NRSN1: variants seen among roughly 807,000 people sequenced by gnomAD.
NRSN1 encodes the protein neurensin-1.
A neutral mutation model predicts 17.3 loss-of-function variants in NRSN1; 14 were observed. The observed-to-expected ratio is 0.81, with a 90% CI of 0.54 to 1.27. NRSN1 has a LOEUF of 1.27. NRSN1 is among the 50% of genes most tolerant of loss of function. The pLI, the probability that NRSN1 is intolerant of heterozygous loss-of-function variation, is 0.00. For synonymous variants in NRSN1, 79 were observed against 94.2 expected, an observed-to-expected ratio of 0.84 and a Z score of 0.93; for missense variants, 209 against 235.9, an observed-to-expected ratio of 0.89 and a Z score of 0.75.
rs1473520802 is a variant in NRSN1 at position 24,146,474 on chromosome 6, T to A, written c.*528T>A. On this transcript the variant is annotated 3_prime_UTR_variant, in exon 4 of 4. Coordinates refer to ENST00000378491, the MANE Select transcript of NRSN1 (RefSeq NM_080723.5). ...TTGACATGAGGTTCCTGACATTGGA[T>A]ACAAAGTTATCAGCATTCACAAATC... 2.9e-6 allele frequency: 1 copy of A among 348,302 alleles called. No individual in the cohort carries two copies. The highest frequency in any genetic ancestry group is 5.7e-6 in the Non-Finnish European group (1 of 176,382). The allele number at this position is 348,302 out of a possible 1,614,324, so 21.6% of individuals were successfully genotyped here. A position where few individuals can be genotyped will look rare whatever the true frequency, so the allele number is the denominator to read the frequency against.
At chr6:24,136,104 T>C (rs1024681417) in intron 3 of NRSN1, among the ~76,000 whole-genome samples, 3 of 152,176 alleles carry the variant, frequency 2.0e-5, no homozygotes, top group African/African-American at 7.2e-5. Flanking sequence ...CCTGGGCAAA[T>C]TAATTGGCCT....
rs71002461 is a variant in NRSN1, at chr6:24,134,004, TTGTGTGTGTGTG to T, written c.-9-289_-9-278del. Among the ~76,000 whole-genome samples, 5 of 132,948 alleles carry T rather than the reference TTGTGTGTGTGTG, an allele frequency of 3.8e-5. No homozygotes were observed. The South Asian group carries it at 8.3e-4, about 22-fold the overall frequency. 87.2% of individuals were successfully genotyped at this position (132,948 alleles called of 152,430 possible). ...GGTGCCCACCACCACACCCAGCTAA[TTGTGTGTGTGTG>T]TGTGTGTGTGTGTGTGTGTGTGTGT... On this transcript the variant is annotated intron_variant, in intron 2 of 3. Transcript: ENST00000378491.
rs1245016541 is a variant in NRSN1, at chr6:24,145,154, T to G, written c.190-394T>G. Among the ~76,000 whole-genome samples, 2 of 144,894 alleles carry G rather than the reference T, an allele frequency of 1.4e-5. No homozygotes were observed. The highest frequency in any genetic ancestry group is 3.0e-5 in the Non-Finnish European group (2 of 66,422). Reference sequence around the variant, plus strand: ...CTTTAGACATATAATATATAATATATATATCTTTGGACATATATATTATAT... The same window carrying G: ...CTTTAGACATATAATATATAATATAGATATCTTTGGACATATATATTATAT... On this transcript the variant is annotated intron_variant, in intron 3 of 3. Transcript: ENST00000378491. The surrounding 1 kb of genome is among the most constrained non-coding windows in gnomAD (Gnocchi z 4.4).
rs540149368 is a variant in NRSN1, at chr6:24,129,434, G to A, written c.-10+1234G>A. 2.6e-5 allele frequency: 4 copies of A among 152,294 alleles called. No individual in the cohort carries two copies. In the East Asian group the frequency reaches 7.7e-4, roughly 29 times the overall value. The allele number at this position is 152,294 out of a possible 1,614,324, so 9.4% of individuals were successfully genotyped here. On this transcript the variant is annotated intron_variant, in intron 2 of 3. Coordinates refer to ENST00000378491, the MANE Select transcript of NRSN1 (RefSeq NM_080723.5). The stretch of plus-strand genomic sequence containing the variant: ...AAGTTTCAAAGTACTGGAGATTAAA[G>A]TGGTCAACAGTACAGAAAATGTCCC...
intron 3 of NRSN1, among the ~76,000 whole-genome samples, chr6:24,138,577 A>G (rs866034995): frequency 6.6e-6 from 1 of 152,130 alleles, no homozygotes; most frequent in African/African-American, 2.4e-5. Flanking sequence ...AGAGGTTAAT[A>G]TGTCATGGAG....
At chr6:24,135,690 T>C (rs1399340661) in intron 3 of NRSN1, among the ~76,000 whole-genome samples, 3 of 152,188 alleles carry the variant, frequency 2.0e-5, no homozygotes, top group Non-Finnish European at 4.4e-5. Flanking sequence ...GGAGTAGTGA[T>C]CTCTAGTGAC....
At chr6:24,139,042 T>C (rs1760158817) in intron 3 of NRSN1, among the ~76,000 whole-genome samples, 1 of 152,202 alleles carries the variant, frequency 6.6e-6, no homozygotes, top group African/African-American at 2.4e-5. Context: ...ATAGTCACCA[T>C]GTTGTACAAT....
At chr6:24,131,107 G>A (rs9356928) in intron 2 of NRSN1, among the ~76,000 whole-genome samples, 86,621 of 152,074 alleles carry the variant, frequency 0.57, 26,425 homozygotes, top group East Asian at 0.84. Flanking sequence ...GAATGTAGCT[G>A]ACATAGCTAA....
intron 3 of NRSN1, chr6:24,140,983 C>A: frequency 7.0e-7 from 1 of 1,438,094 alleles, no homozygotes; most frequent in Non-Finnish European, 9.1e-7. Flanking sequence ...AGTTACAGCA[C>A]AAAAACTGTC....
chr6:24,130,285 T>C (rs1373018400), intron 2 of NRSN1, among the ~76,000 whole-genome samples: 1 of 152,216 alleles, frequency 6.6e-6, no homozygotes, highest in Non-Finnish European at 1.5e-5. Flanking sequence ...TCAATTCTAG[T>C]TTGTTATATA....
intron 2 of NRSN1, among the ~76,000 whole-genome samples, chr6:24,132,342 T>C (rs1422821031): frequency 6.6e-6 from 1 of 152,260 alleles, no homozygotes; most frequent in African/African-American, 2.4e-5. Context: ...TTGATGGGAC[T>C]GTAGATCGAT....
chr6:24,138,962 T>C (rs1242867112), intron 3 of NRSN1, among the ~76,000 whole-genome samples: 1 of 152,232 alleles, frequency 6.6e-6, no homozygotes. Context: ...TCACATCCTT[T>C]TTTGTGGTAA....
intron 3 of NRSN1, among the ~76,000 whole-genome samples, chr6:24,137,744 A>G (rs553613937): frequency 6.6e-6 from 1 of 152,130 alleles, no homozygotes; most frequent in Admixed American, 6.5e-5. Context: ...ACAGATTGTT[A>G]TAATGCAATA....
chr6:24,136,141 T>C (rs1034406901), intron 3 of NRSN1, among the ~76,000 whole-genome samples: 3 of 152,210 alleles, frequency 2.0e-5, no homozygotes, highest in South Asian at 2.1e-4. Flanking sequence ...GTGATACTTA[T>C]AGCACCAACC....
rs1191931602 is a variant in NRSN1, at chr6:24,145,148, A to AAT, written c.190-391_190-390dup. Among the ~76,000 whole-genome samples the AAT allele has an allele frequency of 4.1e-5, 6 of 145,092 alleles. No homozygotes were observed. Among genetic ancestry groups the AAT allele is most frequent in the Admixed American group, 1.4e-4 (2 of 14,230 alleles). ...ACATATCTTTAGACATATAATATAT[A>AAT]ATATATATATCTTTGGACATATATA... On this transcript the variant is annotated intron_variant, in intron 3 of 3. Transcript: ENST00000378491. This position sits in a 1 kb window ranked among gnomAD's most constrained non-coding sequence, Gnocchi z 4.4.
chr6:24,128,467 C>G (rs1759983803), intron 2 of NRSN1, among the ~76,000 whole-genome samples: 1 of 152,358 alleles, frequency 6.6e-6, no homozygotes, highest in South Asian at 2.1e-4. Context: ...AAGCCACAAT[C>G]TCTACCACTG....
chr6:24,136,082 T>C (rs1447236529), intron 3 of NRSN1, among the ~76,000 whole-genome samples: 8 of 152,228 alleles, frequency 5.3e-5, no homozygotes. Context: ...TTTTGTTTAA[T>C]CATTCTGTAA....
intron 2 of NRSN1, among the ~76,000 whole-genome samples, chr6:24,134,004 T>TTGTGTG (rs71002461): frequency 0.033 from 4,423 of 132,850 alleles, 134 homozygotes; most frequent in African/African-American, 0.075. Context: ...ACCCAGCTAA[T>TTGTGTG]TGTGTGTGTG....
In NRSN1 at chr6:24,134,492, C is replaced by G; in HGVS notation, c.165C>G (p.Asn55Lys). 6.2e-7 allele frequency: 1 copy of G among 1,613,970 alleles called. No individual in the cohort carries two copies. The change falls in exon 3 of 4, where the codon AAC becomes AAG. Residue 55 changes from asparagine to lysine, a missense_variant. Asn to Lys is a moderately conservative substitution (Grantham distance 94). Transcript: ENST00000378491. ...ATTTCCAGATCCAAAGATCACCTAA[C>G]AGGTGGAGCTCAGTATTCTGGAAGG... is the stretch of plus-strand genomic sequence containing the variant. ...EDDFQIQRSP[N>K]RWSSVFWKVG... is the part of the protein sequence containing the mutation.
Sources: allele counts gnomAD v4.1 joint callset (sites outside exome capture counted in the v4.1 genomes callset), GRCh38; gene constraint gnomAD v4.1.1; non-coding constraint Gnocchi (gnomAD v3.1); transcripts MANE v1.5; gene names NCBI Gene and HGNC (gene_info 2026-07-23, HGNC 2026-07-21).